PCDH15: variants seen among roughly 807,000 people sequenced by gnomAD.
PCDH15 encodes the protein protocadherin related 15.
In PCDH15, 129 loss-of-function variants were observed where a neutral mutation model predicts 178.5. The observed-to-expected ratio is 0.72, with a 90% CI of 0.63 to 0.84. The LOEUF (loss-of-function observed/expected upper bound fraction) is 0.84. Ranked by LOEUF, PCDH15 falls within the 40% of genes least tolerant of loss-of-function variation. The pLI is 0.00. For synonymous variants in PCDH15, 800 were observed against 732.0 expected (o/e 1.09, Z -1.50); for missense variants, 2,230 against 2,099.9 (o/e 1.06, Z -1.21).
chr10:53,963,387 G>A (rs1247883896), intron 21 of PCDH15, among the ~76,000 whole-genome samples: 3 of 151,940 alleles, frequency 2.0e-5, no homozygotes, highest in Non-Finnish European at 4.4e-5. Context: ...CTCTGTCTCA[G>A]ACTCTGCTTG....
At chr10:54,177,127 G>T (rs1259642998) in intron 13 of PCDH15, among the ~76,000 whole-genome samples, 2 of 152,066 alleles carry the variant, frequency 1.3e-5, no homozygotes, top group Admixed American at 6.6e-5. Flanking sequence ...GTCATGAAAA[G>T]ACATGGAGGA....
At chr10:55,478,648 A>G (rs1003669757) in intron 2 of PCDH15, among the ~76,000 whole-genome samples, 1 of 151,292 alleles carries the variant, frequency 6.6e-6, no homozygotes, top group Admixed American at 6.6e-5. Context: ...AATAATAAAG[A>G]TTAGAGAAGA....
At chr10:55,486,289 TAC>T (rs1840297225) in intron 2 of PCDH15, among the ~76,000 whole-genome samples, 1 of 151,602 alleles carries the variant, frequency 6.6e-6, no homozygotes, top group Non-Finnish European at 1.5e-5. Flanking sequence ...AAAAAGCAAA[TAC>T]AGTTACTCAA....
At chr10:54,596,302 C>A (rs904342199) in intron 2 of PCDH15, among the ~76,000 whole-genome samples, 7 of 152,134 alleles carry the variant, frequency 4.6e-5, no homozygotes, top group Non-Finnish European at 1.0e-4. Context: ...GATTTGGGAC[C>A]TATATTCAAT....
At chr10:54,374,786 A>G (rs1948162783) in intron 4 of PCDH15, among the ~76,000 whole-genome samples, 1 of 152,132 alleles carries the variant, frequency 6.6e-6, no homozygotes, top group Non-Finnish European at 1.5e-5. Flanking sequence ...AAAACAGTTC[A>G]TAGTCATACA....
At chr10:53,960,755 C>T (rs182662777) in intron 22 of PCDH15, among the ~76,000 whole-genome samples, 22 of 152,292 alleles carry the variant, frequency 1.4e-4, no homozygotes, top group Admixed American at 1.4e-3. Flanking sequence ...ACAAACTGAT[C>T]AGCTGTTCCA....
At chr10:55,536,064 A>G (rs977810390) in intron 2 of PCDH15, among the ~76,000 whole-genome samples, 1 of 152,038 alleles carries the variant, frequency 6.6e-6, no homozygotes, top group African/African-American at 2.4e-5. Context: ...TATAGCATCT[A>G]TACTAAAAAG....
At chr10:55,000,325 C>G (rs190693551) in intron 2 of PCDH15, among the ~76,000 whole-genome samples, 106 of 152,258 alleles carry the variant, frequency 7.0e-4, no homozygotes, top group African/African-American at 2.4e-3. Flanking sequence ...AAGAATTCAG[C>G]GATATTTCTC....
intron 11 of PCDH15, among the ~76,000 whole-genome samples, chr10:54,191,811 C>T (rs2049021818): frequency 6.7e-6 from 1 of 149,710 alleles, no homozygotes; most frequent in Non-Finnish European, 1.5e-5. Context: ...ATCCCAGCTA[C>T]TTAGGAGGCT....
At chr10:55,359,306 T>A (rs2131976222) in intron 2 of PCDH15, among the ~76,000 whole-genome samples, 2 of 152,222 alleles carry the variant, frequency 1.3e-5, no homozygotes, top group Middle Eastern at 3.4e-3. Flanking sequence ...GTATAAATTT[T>A]AAAATGTGCT....
chr10:54,757,137 T>C (rs948725992), intron 1 of PCDH15, among the ~76,000 whole-genome samples: 2 of 152,210 alleles, frequency 1.3e-5, no homozygotes, highest in Non-Finnish European at 2.9e-5. Flanking sequence ...TATTCAGTTG[T>C]AGTTAAGATA....
chr10:54,034,850 AACAGT>A (rs2093379943), intron 18 of PCDH15, among the ~76,000 whole-genome samples: 1 of 151,888 alleles, frequency 6.6e-6, no homozygotes, highest in Non-Finnish European at 1.5e-5. Context: ...TTGTGGTGTA[AACAGT>A]ACTGCTGCTT....
chr10:54,200,013 A>G (rs2050068970), intron 10 of PCDH15, among the ~76,000 whole-genome samples: 1 of 152,176 alleles, frequency 6.6e-6, no homozygotes. Context: ...TCAATATTGA[A>G]AAAAGGAAAT....
At chr10:55,024,375 G>A (rs1326496540) in intron 2 of PCDH15, among the ~76,000 whole-genome samples, 1 of 148,000 alleles carries the variant, frequency 6.8e-6, no homozygotes, top group African/African-American at 2.5e-5. Context: ...ATGAGTGTGT[G>A]TGTGTACACA....
intron 3 of PCDH15, among the ~76,000 whole-genome samples, chr10:54,857,573 G>C (rs773643998): frequency 6.6e-6 from 1 of 151,342 alleles, no homozygotes; most frequent in Admixed American, 6.6e-5. Flanking sequence ...AGCCTCCCGA[G>C]TACATAGGAT....
intron 1 of PCDH15, among the ~76,000 whole-genome samples, chr10:55,211,177 A>G (rs1840562363): frequency 6.6e-6 from 1 of 152,180 alleles, no homozygotes; most frequent in African/African-American, 2.4e-5. Context: ...GGAAAGTGGG[A>G]GACAGCTTGA....
At chr10:55,357,789 C>T (rs1160180639) in intron 2 of PCDH15, among the ~76,000 whole-genome samples, 2 of 151,970 alleles carry the variant, frequency 1.3e-5, no homozygotes, top group African/African-American at 4.8e-5. Context: ...TTTGTCTGAG[C>T]TTTGTTAATC....
At chr10:54,698,017 T>C (rs1278819220) in intron 1 of PCDH15, among the ~76,000 whole-genome samples, 1 of 151,920 alleles carries the variant, frequency 6.6e-6, no homozygotes, top group Non-Finnish European at 1.5e-5. Flanking sequence ...TAATATAGTA[T>C]GGGTGGTATT....
intron 1 of PCDH15, among the ~76,000 whole-genome samples, chr10:55,179,023 C>T (rs1001647527): frequency 2.0e-5 from 3 of 152,026 alleles, no homozygotes; most frequent in Admixed American, 2.0e-4. Flanking sequence ...AAGATTATTC[C>T]CTTTTAGCTC....
Sources: gnomAD v4.1 joint callset for allele counts (sites outside exome capture counted in the v4.1 genomes callset) on GRCh38, gnomAD v4.1.1 for gene constraint, MANE v1.5 for transcripts, NCBI Gene and HGNC (gene_info 2026-07-23, HGNC 2026-07-21) for gene names.